Variants in MORF4L1 observed in about 807,000 individuals in gnomAD.
MORF4L1 encodes mortality factor 4-like protein 1.
Under a neutral mutation model 52.9 loss-of-function variants are expected in MORF4L1, and 4 were observed. That is an observed-to-expected ratio of 0.08 (90% CI 0.04 to 0.17). MORF4L1 has a LOEUF of 0.17. Ranked by LOEUF, MORF4L1 falls within the 10% of genes least tolerant of loss-of-function variation. The probability of loss-of-function intolerance (pLI) is 1.00; values close to 1 mark genes in which losing one functional copy is unlikely to be tolerated. For synonymous variants in MORF4L1, 123 were observed against 134.8 expected (o/e 0.91, Z 0.61); for missense variants, 214 against 390.4 (o/e 0.55, Z 3.81).
rs192586913 is a variant in MORF4L1, at chr15:78,878,325, A to G, written c.87+66A>G. On this transcript the variant is annotated intron_variant, in intron 2 of 11. Transcript: ENST00000426013. The stretch of plus-strand genomic sequence containing the variant: ...CTGGTTAGATCTGGCCATTTAATAT[A>G]CAAGTACAGTATTTTGTTGTTGCCT... 6 of 1,449,580 alleles carry G rather than the reference A, an allele frequency of 4.1e-6. No individual in the cohort carries two copies. In the Admixed American group the frequency reaches 5.8e-5, roughly 14 times the overall value. The allele number at this position is 1,449,580 out of a possible 1,614,324, so 89.8% of individuals were successfully genotyped here.
Position 78,874,583 on chromosome 15 carries a change from C to CTTTTTTTTT in MORF4L1, c.40+1537_40+1545dup, listed in dbSNP as rs56665378. On this transcript the variant is annotated intron_variant, in intron 1 of 11. Coordinates refer to ENST00000426013, the MANE Select transcript of MORF4L1 (RefSeq NM_006791.4). The stretch of plus-strand genomic sequence containing the variant: ...TTTGTTTTTTCTTTTCTTTTTCTTT[C>CTTTTTTTTT]TTTTTTTTTTTTTTTTTTTGTATTT... 2.4e-3 allele frequency among the ~76,000 whole-genome samples: 265 copies of CTTTTTTTTT among 112,142 alleles called. 1 individual carries two copies. Among genetic ancestry groups the CTTTTTTTTT allele is most frequent in the Non-Finnish European group, 2.9e-3 (168 of 57,856 alleles). The allele number at this position is 112,142 out of a possible 152,430, so 73.6% of individuals were successfully genotyped here. A position where few individuals can be genotyped will look rare whatever the true frequency, so the allele number is the denominator to read the frequency against.
Position 78,885,751 on chromosome 15 carries a change from T to G in MORF4L1, c.156-390T>G, listed in dbSNP as rs150669907. Among the ~76,000 whole-genome samples the G allele has an allele frequency of 4.5e-3, 691 of 152,344 alleles. 2 individuals carry two copies. The highest frequency in any genetic ancestry group is 7.2e-3 in the Non-Finnish European group (493 of 68,022). ...ACAAAGCTATATGGAACTTTGTCAT[T>G]ACACACAGCTGGTTTTAATTTTTAA... On this transcript the variant is annotated intron_variant, in intron 3 of 11. Coordinates refer to ENST00000426013, the MANE Select transcript of MORF4L1 (RefSeq NM_006791.4).
chr15:78,887,702 T>G (rs1030670846), intron 5 of MORF4L1, among the ~76,000 whole-genome samples: 1 of 152,236 alleles, frequency 6.6e-6, no homozygotes, highest in Non-Finnish European at 1.5e-5. Flanking sequence ...AACCTCCACT[T>G]TGGTGAAACT....
At chr15:78,888,186 T>TG (rs2056739642) in intron 5 of MORF4L1, among the ~76,000 whole-genome samples, 1 of 152,198 alleles carries the variant, frequency 6.6e-6, no homozygotes, top group East Asian at 1.9e-4. Context: ...TGTAGGACGG[T>TG]GCGGTGGCTC....
chr15:78,882,817 G>A (rs1281011922), intron 3 of MORF4L1, among the ~76,000 whole-genome samples: 2 of 9,494 alleles, frequency 2.1e-4, no homozygotes, highest in Non-Finnish European at 5.0e-4. Context: ...GGTGCCTATA[G>A]TTTTAGCTTC....
intron 2 of MORF4L1, among the ~76,000 whole-genome samples, chr15:78,879,310 CT>C (rs768052643): frequency 3.8e-4 from 58 of 152,290 alleles, no homozygotes; most frequent in Non-Finnish European, 6.9e-4. Context: ...TGACGTCCCC[CT>C]CCCGGGTTGA....
intron 3 of MORF4L1, among the ~76,000 whole-genome samples, chr15:78,882,597 T>G (rs2056622528): frequency 6.6e-6 from 1 of 152,212 alleles, no homozygotes; most frequent in South Asian, 2.1e-4. Context: ...ATATTTTGTG[T>G]GTTGATATTC....
chr15:78,896,082 G>A (rs1293638478), intron 11 of MORF4L1, among the ~76,000 whole-genome samples: 1 of 151,998 alleles, frequency 6.6e-6, no homozygotes, highest in Non-Finnish European at 1.5e-5. Flanking sequence ...GGGTTCAAAC[G>A]ATTCTTGGGC....
At chr15:78,879,653 T>C (rs558958504) in intron 2 of MORF4L1, among the ~76,000 whole-genome samples, 6 of 152,140 alleles carry the variant, frequency 3.9e-5, no homozygotes, top group African/African-American at 1.4e-4. Flanking sequence ...TTACGACTCA[T>C]GGCCAGGGGC....
intron 3 of MORF4L1, 89 bp downstream of exon 3, chr15:78,880,668 G>T (rs906233363): frequency 1.1e-6 from 1 of 934,992 alleles, no homozygotes; most frequent in Admixed American, 2.8e-5. Flanking sequence ...TTTCAATTCT[G>T]CAGTTTTAAT....
chr15:78,886,911 C>T (rs115248852), intron 4 of MORF4L1, among the ~76,000 whole-genome samples: 1,930 of 149,660 alleles, frequency 0.013, 48 homozygotes, highest in African/African-American at 0.045. Flanking sequence ...GCGGAGATCG[C>T]GCCACTGCAG....
rs374621507 is a variant in MORF4L1, at chr15:78,881,229, C to T, written c.155+650C>T. On this transcript the variant is annotated intron_variant, in intron 3 of 11. Coordinates refer to ENST00000426013, the MANE Select transcript of MORF4L1 (RefSeq NM_006791.4). ...TTTTTGAGAGATGGAGTTTTGCTTT[C>T]GTTGCCCAGGCTGGAGTGTGCAATG... is the stretch of plus-strand genomic sequence containing the variant. 2.9e-3 allele frequency among the ~76,000 whole-genome samples: 170 copies of T among 58,476 alleles called. 1 individual carries two copies. The highest frequency in any genetic ancestry group is 9.5e-3 in the African/African-American group (141 of 14,814). 38.4% of individuals were successfully genotyped at this position (58,476 alleles called of 152,430 possible).
In MORF4L1 at chr15:78,891,577, G is replaced by A; in HGVS notation, c.438+5G>A. ...GTAGATCCTACTGTTGAAAATGTGA[G>A]TTTTTCTTGTGTTTATGAATAGCAT... is the stretch of plus-strand genomic sequence containing the variant. On this transcript the variant is annotated splice_donor_5th_base_variant and intron_variant, in intron 7 of 11. Transcript: ENST00000426013. 6.2e-7 allele frequency: 1 copy of A among 1,605,840 alleles called. No homozygotes were observed. Among genetic ancestry groups the A allele is most frequent in the Non-Finnish European group, 8.5e-7 (1 of 1,173,090 alleles).
intron 11 of MORF4L1, among the ~76,000 whole-genome samples, chr15:78,895,842 A>C (rs972193562): frequency 2.0e-5 from 3 of 152,164 alleles, no homozygotes; most frequent in African/African-American, 7.2e-5. Flanking sequence ...TTAAAACTGC[A>C]ACGTGGACTT....
intron 5 of MORF4L1, among the ~76,000 whole-genome samples, chr15:78,888,738 CTAA>C (rs2056749414): frequency 3.3e-5 from 5 of 152,018 alleles, no homozygotes; most frequent in Admixed American, 1.3e-4. Flanking sequence ...TAAGGTGTTA[CTAA>C]TGAAGGTATT....
chr15:78,892,613 T>TA (rs1417208083), intron 8 of MORF4L1: 1 of 227,194 alleles, frequency 4.4e-6, no homozygotes, highest in Non-Finnish European at 8.6e-6. Flanking sequence ...GCATATGTCT[T>TA]ACTGTCATTG....
chr15:78,891,070 T>C lies in MORF4L1; in HGVS notation c.349+56T>C, dbSNP rs775556634. 4 of 1,446,576 alleles carry C rather than the reference T, an allele frequency of 2.8e-6. No homozygotes were observed. The Admixed American group carries it at 8.2e-5, about 30-fold the overall frequency. 89.6% of individuals were successfully genotyped at this position (1,446,576 alleles called of 1,614,324 possible). On this transcript the variant is annotated intron_variant, in intron 6 of 11. Transcript: ENST00000426013. ...TATGTTACCTCTATGACATTGACGT[T>C]TTTATTTTGAAAGCTATGAAATTTT... is the stretch of plus-strand genomic sequence containing the variant.
intron 5 of MORF4L1, 144 bp downstream of exon 5, chr15:78,887,493 A>G (rs138175763): frequency 1.6e-6 from 1 of 616,626 alleles, no homozygotes; most frequent in African/African-American, 1.9e-5. Context: ...TCAGGTCGTT[A>G]AAGTAGTTTA....
chr15:78,880,595 T>TA lies in MORF4L1; in HGVS notation c.155+17dup, dbSNP rs1251490169. On this transcript the variant is annotated intron_variant, in intron 3 of 11. Coordinates refer to ENST00000426013, the MANE Select transcript of MORF4L1 (RefSeq NM_006791.4). ...GGAATAAAAAGTGAGTATTAGATCT[T>TA]ACAATTCTATTTGTAATTAACAAGA... The TA allele has an allele frequency of 2.1e-5, 32 of 1,539,300 alleles. No homozygotes were observed. The highest frequency in any genetic ancestry group is 2.8e-5 in the African/African-American group (2 of 72,348).
Sources: gnomAD v4.1 joint callset for allele counts (sites outside exome capture counted in the v4.1 genomes callset) on GRCh38, gnomAD v4.1.1 for gene constraint, MANE v1.5 for transcripts, NCBI Gene and HGNC (gene_info 2026-07-23, HGNC 2026-07-21) for gene names.